Variants in NLRP5 observed in about 807,000 individuals in gnomAD.
The protein encoded by NLRP5 is NLR family pyrin domain containing 5.
A neutral mutation model predicts 113.1 loss-of-function variants in NLRP5; 93 were observed. The ratio of observed to expected loss-of-function variants is 0.82; its 90% confidence interval spans 0.70 to 0.98. The LOEUF (loss-of-function observed/expected upper bound fraction) is 0.98. Among genes scored for constraint, NLRP5 ranks in the 50% least tolerant of loss-of-function variants. NLRP5 has a pLI of 0.00. For missense variants in NLRP5, 1,808 were observed against 1,514.3 expected (o/e 1.19, Z -3.22); for synonymous variants, 751 against 600.7 (o/e 1.25, Z -3.66).
At chr19:56,031,612 TAG>T (rs1983116981) in intron 7 of NLRP5, among the ~76,000 whole-genome samples, 1 of 127,462 alleles carries the variant, frequency 7.8e-6, no homozygotes, top group Admixed American at 9.5e-5. Context: ...GCCTGGGAGA[TAG>T]AGACTCCGTC....
Position 56,028,253 on chromosome 19 carries a change from C to G in NLRP5, c.2020C>G (p.Gln674Glu). ...TCTGCACTGGGTCTCTCTGTTGGGT[C>G]AGCAGCCTAATGCCACCACCCCAGG... is the stretch of plus-strand genomic sequence containing the variant. Residue 674 changes from glutamine to glutamate, a missense_variant, in exon 7 of 15, where the codon CAG becomes GAG. Physicochemically the swap from Gln to Glu is conservative, Grantham distance 29. Transcript: ENST00000390649. 1 of 1,613,926 alleles carries G rather than the reference C, an allele frequency of 6.2e-7. No homozygotes were observed. Among genetic ancestry groups the G allele is most frequent in the Non-Finnish European group, 8.5e-7 (1 of 1,179,900 alleles).
Position 56,003,565 on chromosome 19 carries a change from C to G in NLRP5, c.63-151C>G, listed in dbSNP as rs75613492. 4,691 of 770,848 alleles carry G rather than the reference C, an allele frequency of 6.1e-3. 16 individuals carry two copies. Among genetic ancestry groups the G allele is most frequent in the Non-Finnish European group, 8.2e-3 (4,011 of 489,672 alleles). The allele number at this position is 770,848 out of a possible 1,614,324, so 47.8% of individuals were successfully genotyped here. The stretch of plus-strand genomic sequence containing the variant: ...CTAAGGGTACAGACAACAAAATGTC[C>G]CAGCACTGATGTCTAGTAATAGGAT... On this transcript the variant is annotated intron_variant, in intron 1 of 14. Transcript: ENST00000390649.
intron 11 of NLRP5, among the ~76,000 whole-genome samples, chr19:56,043,774 T>G (rs896597648): frequency 6.6e-6 from 1 of 151,728 alleles, no homozygotes; most frequent in African/African-American, 2.4e-5. Context: ...AGACAGGGTT[T>G]CACCACGTTA....
intron 11 of NLRP5, 85 bp downstream of exon 11, chr19:56,041,177 G>A (rs2123323723): frequency 7.4e-7 from 1 of 1,354,452 alleles, no homozygotes; most frequent in Middle Eastern, 1.9e-4. Context: ...GCAGTGGGGA[G>A]GGGGTGTGGA....
chr19:56,003,667 G>A, intron 1 of NLRP5, 69 bp from the exon 2 acceptor site: 1 of 1,527,338 alleles, frequency 6.5e-7, no homozygotes, highest in East Asian at 2.3e-5. Flanking sequence ...TGAGGTGATT[G>A]ATGTTAGTTG....
chr19:56,000,963 T>C (rs1346390567), intron 1 of NLRP5, among the ~76,000 whole-genome samples: 3 of 151,828 alleles, frequency 2.0e-5, no homozygotes, highest in Non-Finnish European at 2.9e-5. Flanking sequence ...GTAGAGATCA[T>C]GCCACTACAC....
chr19:56,053,967 T>G (rs1459845885), intron 13 of NLRP5, among the ~76,000 whole-genome samples, 159 bp downstream of exon 13: 1 of 152,032 alleles, frequency 6.6e-6, no homozygotes, highest in Non-Finnish European at 1.5e-5. Context: ...GGGTATAAGT[T>G]CCAGCTCGGC....
chr19:56,024,509 A>G (rs552768345), intron 6 of NLRP5, among the ~76,000 whole-genome samples: 15 of 70,096 alleles, frequency 2.1e-4, no homozygotes, highest in Admixed American at 1.5e-3. Flanking sequence ...ATGTATATGT[A>G]TATGTGTATG....
chr19:56,029,579 A>T (rs2123308286), intron 7 of NLRP5, among the ~76,000 whole-genome samples: 1 of 152,208 alleles, frequency 6.6e-6, no homozygotes, highest in African/African-American at 2.4e-5. Flanking sequence ...TTTGTATTTA[A>T]ATAGTCACAC....
Position 56,008,803 on chromosome 19 carries a change from A to G in NLRP5, c.458A>G (p.Asp153Gly), listed in dbSNP as rs1462769705. The G allele has an allele frequency of 1.9e-6, 3 of 1,611,260 alleles. No individual in the cohort carries two copies. Among genetic ancestry groups the G allele is most frequent in the Admixed American group, 1.7e-5 (1 of 59,528 alleles). ...TGTCTTCCAGGACATTCACCAGAAGATCCTGAAGCAACGATGACTGACCAA... is the reference window on the plus strand; with the variant it reads ...TGTCTTCCAGGACATTCACCAGAAGGTCCTGAAGCAACGATGACTGACCAA... The change falls in exon 3 of 15, where the codon GAT (aspartate) becomes GGT (glycine). Residue 153 changes from aspartate to glycine, a missense_variant. By Grantham distance (94) the Asp-to-Gly change is moderately conservative. Coordinates refer to ENST00000390649, the MANE Select transcript of NLRP5 (RefSeq NM_153447.4).
intron 13 of NLRP5, among the ~76,000 whole-genome samples, chr19:56,055,811 C>A (rs960486082): frequency 2.0e-5 from 3 of 152,048 alleles, no homozygotes; most frequent in Non-Finnish European, 2.9e-5. Context: ...TCCCAAAGTG[C>A]TGGGATTACA....
rs1341111985 is a variant in NLRP5, at chr19:56,023,095, C to G, written c.679+2664C>G. On this transcript the variant is annotated intron_variant, in intron 6 of 14. Transcript: ENST00000390649. Reference sequence around the variant, plus strand: ...ACCCCTTAAAGGGGCGAGTTAGACACACAAGTCTGGAATTTTAGGAAAGAA... The same window carrying G: ...ACCCCTTAAAGGGGCGAGTTAGACAGACAAGTCTGGAATTTTAGGAAAGAA... 2.0e-5 allele frequency among the ~76,000 whole-genome samples: 3 copies of G among 152,284 alleles called. No homozygotes were observed. In the South Asian group the frequency reaches 6.2e-4, roughly 32 times the overall value.
intron 8 of NLRP5, among the ~76,000 whole-genome samples, chr19:56,033,107 A>G (rs1983185435): frequency 6.6e-6 from 1 of 151,930 alleles, no homozygotes; most frequent in African/African-American, 2.4e-5. Flanking sequence ...AAAAATTAGC[A>G]GGGCATGGTG....
At chr19:55,998,656 A>ATGTGTGTGTG (rs1451449123), upstream of NLRP5, among the ~76,000 whole-genome samples, 1 of 29,594 alleles carries the variant, frequency 3.4e-5, no homozygotes, top group Non-Finnish European at 5.6e-5. Context: ...TCGTCTCAAA[A>ATGTGTGTGTG]TATGTGTGTG....
chr19:56,054,337 C>G (rs1167133496), intron 13 of NLRP5, among the ~76,000 whole-genome samples: 1 of 152,162 alleles, frequency 6.6e-6, no homozygotes, highest in Non-Finnish European at 1.5e-5. Context: ...GTGGGCAGAT[C>G]ACTTGAGGTC....
intron 1 of NLRP5, among the ~76,000 whole-genome samples, chr19:56,001,047 C>A (rs185250409): frequency 4.0e-4 from 61 of 150,762 alleles, no homozygotes; most frequent in African/African-American, 1.3e-3. Context: ...TTTGGCTGGG[C>A]GCAGTAGCTC....
intron 11 of NLRP5, among the ~76,000 whole-genome samples, chr19:56,041,926 G>A (rs185844905): frequency 7.9e-5 from 12 of 152,258 alleles, no homozygotes; most frequent in East Asian, 1.9e-4. Context: ...GCCATTGCAC[G>A]CCAGCCTGGG....
rs199475772 is a variant in NLRP5, at chr19:56,027,023, C to T, written c.790C>T (p.Gln264Ter). The T allele has an allele frequency of 1.3e-6, 2 of 1,552,210 alleles. No individual in the cohort carries two copies. Among genetic ancestry groups the T allele is most frequent in the Non-Finnish European group, 1.7e-6 (2 of 1,147,286 alleles). ...CACTGCTGCTGACTGGCCGGAAATG[C>T]AAACGTTGGCTGGTGCTTTTGATTC... Residue 264 changes from glutamine (Q) to a stop codon, truncating the protein, a stop_gained, in exon 7 of 15, where the codon CAA becomes TAA. Transcript: ENST00000390649. LOFTEE classifies it high-confidence loss of function.
chr19:56,001,181 C>T (rs1981631756), intron 1 of NLRP5, among the ~76,000 whole-genome samples: 1 of 146,738 alleles, frequency 6.8e-6, no homozygotes, highest in Non-Finnish European at 1.5e-5. Context: ...TTTTAAAGGC[C>T]TGGTGCAGTG....
Sources: allele counts gnomAD v4.1 joint callset (sites outside exome capture counted in the v4.1 genomes callset), GRCh38; gene constraint gnomAD v4.1.1; transcripts MANE v1.5; gene names NCBI Gene and HGNC (gene_info 2026-07-23, HGNC 2026-07-21).